Variants in CHP1 observed in about 807,000 individuals in gnomAD.
The protein encoded by CHP1 is calcineurin like EF-hand protein 1.
Under a neutral mutation model 27.4 loss-of-function variants are expected in CHP1, and 11 were observed. The observed-to-expected ratio is 0.40, with a 90% CI of 0.25 to 0.67. The LOEUF is 0.67. Ranked by LOEUF, CHP1 falls within the 30% of genes least tolerant of loss-of-function variation. The pLI is 0.38. For synonymous variants in CHP1, 89 were observed against 87.4 expected (o/e 1.02, Z -0.10); for missense variants, 169 against 251.3 (o/e 0.67, Z 2.22).
chr15:41,245,317 G>A (rs944209473), intron 2 of CHP1, among the ~76,000 whole-genome samples: 17 of 152,010 alleles, frequency 1.1e-4, no homozygotes, highest in South Asian at 2.1e-4. Context: ...AAAAATTAGC[G>A]TGGCGTGGTG....
In CHP1 at chr15:41,278,699, T is replaced by A; in HGVS notation, c.412-68T>A. On this transcript the variant is annotated intron_variant, in intron 5 of 6. Transcript: ENST00000334660. ...AAAAGGAGGATGGTGATAGCTTTATTTTTAATCTTAGTAAAGAGTCCCTCT... is the reference window on the plus strand; with the variant it reads ...AAAAGGAGGATGGTGATAGCTTTATATTTAATCTTAGTAAAGAGTCCCTCT... 1.9e-6 allele frequency: 3 copies of A among 1,598,534 alleles called. No homozygotes were observed. The Admixed American group carries it at 5.1e-5, about 27-fold the overall frequency.
chr15:41,260,281 C>G (rs534667747), intron 3 of CHP1, among the ~76,000 whole-genome samples: 2 of 151,474 alleles, frequency 1.3e-5, no homozygotes, highest in East Asian at 3.9e-4. Flanking sequence ...ATTCTTCATT[C>G]AAGTTTTGAG....
At chr15:41,275,818 C>A (rs1410749656) in intron 5 of CHP1, among the ~76,000 whole-genome samples, 1 of 151,934 alleles carries the variant, frequency 6.6e-6, no homozygotes, top group East Asian at 2.0e-4. Context: ...CGGGTTGAAG[C>A]GATTCTCATG....
chr15:41,276,826 C>T (rs1329487013), intron 5 of CHP1, among the ~76,000 whole-genome samples: 3 of 152,192 alleles, frequency 2.0e-5, no homozygotes, highest in Non-Finnish European at 1.5e-5. Flanking sequence ...GTTAGGCTCA[C>T]GCAACAAGAA....
chr15:41,232,626 G>A (rs188201855), intron 1 of CHP1, among the ~76,000 whole-genome samples: 2 of 152,158 alleles, frequency 1.3e-5, no homozygotes, highest in Non-Finnish European at 2.9e-5. Flanking sequence ...AATAGTCCTT[G>A]ATAATGCAAT....
At chr15:41,271,763 C>A (rs180923656) in intron 5 of CHP1, among the ~76,000 whole-genome samples, 66 of 152,316 alleles carry the variant, frequency 4.3e-4, no homozygotes, top group Non-Finnish European at 1.5e-5. Flanking sequence ...CGTATTCTTA[C>A]ATTTCTATCA....
At chr15:41,234,963 G>A (rs372643536) in intron 1 of CHP1, among the ~76,000 whole-genome samples, 6 of 152,126 alleles carry the variant, frequency 3.9e-5, no homozygotes, top group African/African-American at 1.2e-4. Context: ...CAATTATAAG[G>A]AAATAAAATT....
At chr15:41,241,328 A>G in intron 1 of CHP1, among the ~76,000 whole-genome samples, 1 of 152,244 alleles carries the variant, frequency 6.6e-6, no homozygotes, top group Admixed American at 6.5e-5. Context: ...CAGCAGTAAT[A>G]CTTGTGCCTT....
intron 4 of CHP1, among the ~76,000 whole-genome samples, 168 bp downstream of exon 4, chr15:41,263,051 T>C (rs7175912): frequency 0.51 from 76,902 of 152,074 alleles, 21,602 homozygotes; most frequent in African/African-American, 0.76. Flanking sequence ...CCTTTTTTGG[T>C]CGTGTGACTT....
intron 2 of CHP1, among the ~76,000 whole-genome samples, chr15:41,245,511 A>G (rs1334458833): frequency 6.6e-6 from 1 of 152,190 alleles, no homozygotes; most frequent in South Asian, 2.1e-4. Context: ...TCTACTTAAC[A>G]TGATGTTTTT....
intron 2 of CHP1, among the ~76,000 whole-genome samples, chr15:41,247,253 C>T (rs990939646): frequency 1.3e-5 from 2 of 151,894 alleles, no homozygotes; most frequent in Non-Finnish European, 2.9e-5. Context: ...CCTGGAATTC[C>T]AGGTACTTGG....
chr15:41,279,757 C>T lies in CHP1; in HGVS notation c.*368C>T. On this transcript the variant is annotated 3_prime_UTR_variant, in exon 7 of 7. Coordinates refer to ENST00000334660, the MANE Select transcript of CHP1 (RefSeq NM_007236.5). ...CCAGATGTAGACTGTAGCCCTGCTG[C>T]CTTCCCTCCAGCGAGTCTGCCAGCA... The T allele has an allele frequency of 5.0e-6, 1 of 200,396 alleles. No homozygotes were observed. The highest frequency in any genetic ancestry group is 1.0e-5 in the Non-Finnish European group (1 of 99,772). 12.4% of individuals were successfully genotyped at this position (200,396 alleles called of 1,614,324 possible).
At chr15:41,247,369 TAA>T (rs201872245) in intron 2 of CHP1, among the ~76,000 whole-genome samples, 389 of 139,014 alleles carry the variant, frequency 2.8e-3, no homozygotes, top group Middle Eastern at 0.016. Flanking sequence ...ATCCTGCCTT[TAA>T]AAAAAAAAAA....
intron 4 of CHP1, among the ~76,000 whole-genome samples, chr15:41,268,895 G>A (rs2047475139): frequency 6.6e-6 from 1 of 152,038 alleles, no homozygotes; most frequent in Non-Finnish European, 1.5e-5. Flanking sequence ...AGGAGGCGGA[G>A]CTTGCCGTGA....
chr15:41,269,687 G>T (rs549192598), intron 4 of CHP1, among the ~76,000 whole-genome samples: 1 of 152,102 alleles, frequency 6.6e-6, no homozygotes, highest in African/African-American at 2.4e-5. Context: ...TAAATCCATG[G>T]ATCTTAATAG....
intron 2 of CHP1, among the ~76,000 whole-genome samples, chr15:41,254,927 T>A (rs1336652906): frequency 6.6e-6 from 1 of 152,240 alleles, no homozygotes; most frequent in Admixed American, 6.5e-5. Flanking sequence ...ATCTTTTTTT[T>A]AACTTTTTAT....
rs535330408 is a variant in CHP1 at position 41,261,435 on chromosome 15, C to T, written c.222-1321C>T. Among the ~76,000 whole-genome samples, 23 of 152,182 alleles carry T rather than the reference C, an allele frequency of 1.5e-4. No homozygotes were observed. In the South Asian group the frequency reaches 4.8e-3, roughly 32 times the overall value. On this transcript the variant is annotated intron_variant, in intron 3 of 6. Transcript: ENST00000334660. ...CCTCCCAAAGTATTAGGATGATGGG[C>T]ATGGACCACCGTGCCCAGCCAGAAA...
At chr15:41,264,093 T>G (rs1453725227) in intron 4 of CHP1, 1 of 778,560 alleles carries the variant, frequency 1.3e-6, no homozygotes, top group African/African-American at 1.8e-5. Context: ...TGTTTTATCC[T>G]AAAGTATTAT....
chr15:41,236,971 A>G (rs957502925), intron 1 of CHP1, among the ~76,000 whole-genome samples: 3 of 150,414 alleles, frequency 2.0e-5, no homozygotes, highest in Non-Finnish European at 2.9e-5. Context: ...CTGGGATTAC[A>G]GGTGCCTGCC....
Sources: allele counts gnomAD v4.1 joint callset (sites outside exome capture counted in the v4.1 genomes callset), GRCh38; gene constraint gnomAD v4.1.1; transcripts MANE v1.5; gene names NCBI Gene and HGNC (gene_info 2026-07-23, HGNC 2026-07-21).